The following FRMPD4 variants were observed in gnomAD, a reference collection of about 807,000 sequenced individuals.
FRMPD4 encodes the protein FERM and PDZ domain-containing protein 4.
Under a neutral mutation model 94.1 loss-of-function variants are expected in FRMPD4, and 22 were observed. The observed-to-expected ratio is 0.23, with a 90% CI of 0.17 to 0.33. The LOEUF is 0.33. Among genes scored for constraint, FRMPD4 ranks in the 10% least tolerant of loss-of-function variants. The pLI is 1.00. For synonymous variants in FRMPD4, 631 were observed against 548.6 expected, an observed-to-expected ratio of 1.15 and a Z score of -2.10; for missense variants, 1,111 against 1,339.9, an observed-to-expected ratio of 0.83 and a Z score of 2.67.
chrX:11,856,396 T>C (rs1054260807), intron 1 of FRMPD4, among the ~76,000 whole-genome samples: 1 of 111,839 alleles, frequency 8.9e-6, no homozygotes, highest in Non-Finnish European at 1.9e-5. Flanking sequence ...CAAGGTTGGT[T>C]CAACATATGC....
intron 3 of FRMPD4, among the ~76,000 whole-genome samples, chrX:12,018,133 T>TG (rs1161598681): frequency 1.1e-4 from 12 of 107,866 alleles, no homozygotes; most frequent in African/African-American, 3.8e-4. Context: ...CAAACTACAG[T>TG]GGGAAAAAAA....
chrX:12,300,777 G>A (rs1278589453), intron 1 of FRMPD4, among the ~76,000 whole-genome samples: 1 of 111,930 alleles, frequency 8.9e-6, no homozygotes, highest in South Asian at 3.8e-4. Context: ...ACCAGGTGGT[G>A]GTGGAGGTGG....
At chrX:12,423,975 A>C (rs2056917171) in intron 1 of FRMPD4, among the ~76,000 whole-genome samples, 1 of 112,479 alleles carries the variant, frequency 8.9e-6, no homozygotes, top group African/African-American at 3.2e-5. Flanking sequence ...GAACAAAAAA[A>C]ACAGAAAAGA....
At position 11,907,264 on chromosome X, in the gene FRMPD4, C is replaced by T. The variant is rs2053973016; in HGVS notation, c.95+29246C>T. ...CTGCTGAATCCAGTAACTGGACCCA[C>T]TCAGAGTCCATTAAAAAAATCAACT... On this transcript the variant is annotated intron_variant, in intron 3 of 18. Coordinates refer to the FRMPD4 transcript ENST00000640291. Among the ~76,000 whole-genome samples the T allele has an allele frequency of 2.7e-5, 3 of 110,618 alleles. No individual in the cohort carries two copies. The Admixed American group carries it at 2.9e-4, about 11-fold the overall frequency.
chrX:11,892,760 G>T (rs1411565062), intron 3 of FRMPD4, among the ~76,000 whole-genome samples: 1 of 111,892 alleles, frequency 8.9e-6, no homozygotes, highest in Non-Finnish European at 1.9e-5. Context: ...TTGCTCTCTT[G>T]TCCCTATTGT....
chrX:12,361,699 A>T (rs1297873922), intron 1 of FRMPD4, among the ~76,000 whole-genome samples: 1 of 112,195 alleles, frequency 8.9e-6, no homozygotes, highest in African/African-American at 3.2e-5. Flanking sequence ...ATTTCAGAGT[A>T]TATTAGGGCT....
At chrX:12,074,620 C>T (rs749255987) in intron 3 of FRMPD4, among the ~76,000 whole-genome samples, 1 of 112,003 alleles carries the variant, frequency 8.9e-6, no homozygotes, top group Non-Finnish European at 1.9e-5. Context: ...GAGATTATTC[C>T]TTCAACACAA....
intron 1 of FRMPD4, among the ~76,000 whole-genome samples, chrX:11,828,660 G>T (rs2053457756): frequency 8.9e-6 from 1 of 112,050 alleles, no homozygotes; most frequent in Admixed American, 9.4e-5. Flanking sequence ...CTTCCTACAG[G>T]ATTGCTAGCC....
chrX:11,849,315 G>T (rs778365227), intron 1 of FRMPD4, among the ~76,000 whole-genome samples: 124 of 111,452 alleles, frequency 1.1e-3, no homozygotes, highest in African/African-American at 3.6e-3. Flanking sequence ...ATAAATGGGA[G>T]ATTTAATATC....
intron 1 of FRMPD4, among the ~76,000 whole-genome samples, chrX:12,428,305 T>G (rs919566935): frequency 2.7e-5 from 3 of 112,003 alleles, no homozygotes; most frequent in South Asian, 7.6e-4. Flanking sequence ...AGAACTGTTT[T>G]GGTTTTATAA....
At chrX:12,510,828 G>C (rs1227519832) in intron 2 of FRMPD4, among the ~76,000 whole-genome samples, 1 of 111,980 alleles carries the variant, frequency 8.9e-6, no homozygotes, top group Non-Finnish European at 1.9e-5. Flanking sequence ...GGCTAGTCTG[G>C]AGGCTGTCTA....
chrX:12,390,611 A>G (rs757170589), intron 1 of FRMPD4, among the ~76,000 whole-genome samples: 1 of 111,879 alleles, frequency 8.9e-6, no homozygotes, highest in African/African-American at 3.3e-5. Context: ...CTTATTGCAG[A>G]GAAGGCTAGA....
At chrX:12,383,820 G>A (rs1385584470) in intron 1 of FRMPD4, among the ~76,000 whole-genome samples, 3 of 111,678 alleles carry the variant, frequency 2.7e-5, no homozygotes, top group Non-Finnish European at 5.6e-5. Context: ...CAGAAGCAGA[G>A]ACACGGCAGC....
intron 2 of FRMPD4, among the ~76,000 whole-genome samples, chrX:12,517,312 G>C (rs991006245): frequency 2.2e-5 from 2 of 91,062 alleles, no homozygotes; most frequent in Non-Finnish European, 4.5e-5. Context: ...GTCTTTTTTT[G>C]TTGATTCGTT....
At chrX:12,511,962 A>G (rs1321556364) in intron 2 of FRMPD4, among the ~76,000 whole-genome samples, 1 of 112,272 alleles carries the variant, frequency 8.9e-6, no homozygotes, top group Non-Finnish European at 1.9e-5. Context: ...TAGATAACTT[A>G]CAGGCCAGAA....
chrX:12,106,515 G>A (rs1027303235), intron 3 of FRMPD4, among the ~76,000 whole-genome samples: 1 of 111,040 alleles, frequency 9.0e-6, no homozygotes, highest in Non-Finnish European at 1.9e-5. Context: ...TCCAACGGAC[G>A]TACCGGGTTC....
intron 2 of FRMPD4, among the ~76,000 whole-genome samples, chrX:11,876,856 C>T (rs922209526): frequency 1.8e-5 from 2 of 112,134 alleles, no homozygotes; most frequent in African/African-American, 3.2e-5. Context: ...TGGTTTCAAC[C>T]GGGGTTGATT....
intron 3 of FRMPD4, among the ~76,000 whole-genome samples, chrX:11,941,367 T>G (rs1258046133): frequency 8.9e-6 from 1 of 111,808 alleles, no homozygotes; most frequent in Non-Finnish European, 1.9e-5. Context: ...GTGATTATTA[T>G]GAGAAATCCC....
intron 3 of FRMPD4, among the ~76,000 whole-genome samples, chrX:11,933,589 A>G (rs2054133724): frequency 8.9e-6 from 1 of 112,808 alleles, no homozygotes. Context: ...CAGAAATTCC[A>G]AAGAATCAAA....
Sources: allele counts gnomAD v4.1 joint callset (sites outside exome capture counted in the v4.1 genomes callset), GRCh38; gene constraint gnomAD v4.1.1; transcripts MANE v1.5; gene names NCBI Gene and HGNC (gene_info 2026-07-23, HGNC 2026-07-21).